CTNNA3: variants seen among roughly 807,000 people sequenced by gnomAD.
CTNNA3 encodes catenin alpha 3.
In CTNNA3, 76 loss-of-function variants were observed where a neutral mutation model predicts 95.7. The ratio of observed to expected loss-of-function variants is 0.79; its 90% confidence interval spans 0.66 to 0.96. CTNNA3 has a LOEUF of 0.96. Ranked by LOEUF, CTNNA3 falls within the 40% of genes least tolerant of loss-of-function variation. The pLI, the probability that CTNNA3 is intolerant of heterozygous loss-of-function variation, is 0.00. For missense variants in CTNNA3, 1,191 were observed against 1,089.8 expected (o/e 1.09, Z -1.31); for synonymous variants, 431 against 374.4 (o/e 1.15, Z -1.74).
chr10:66,122,445 G>A (rs1275310027), intron 13 of CTNNA3, among the ~76,000 whole-genome samples: 9 of 152,136 alleles, frequency 5.9e-5, no homozygotes, highest in East Asian at 5.8e-4. Context: ...ATGGCTGATC[G>A]TTTTCAGCAA....
chr10:66,432,457 T>G (rs7898691), intron 11 of CTNNA3, among the ~76,000 whole-genome samples: 58,025 of 151,832 alleles, frequency 0.38, 11,643 homozygotes, highest in African/African-American at 0.5. Context: ...AGGAGATCAA[T>G]ACCATCCTGG....
At chr10:66,189,243 T>C (rs753587436) in intron 13 of CTNNA3, among the ~76,000 whole-genome samples, 57 of 150,502 alleles carry the variant, frequency 3.8e-4, no homozygotes, top group Non-Finnish European at 1.8e-4. Context: ...ACTTGTTTGC[T>C]TCTCTTGCCT....
chr10:66,159,637 T>TC (rs2084743038), intron 13 of CTNNA3, among the ~76,000 whole-genome samples: 1 of 150,094 alleles, frequency 6.7e-6, no homozygotes, highest in South Asian at 2.1e-4. Flanking sequence ...TTTTTTTTTT[T>TC]TTTTTTGGTT....
chr10:66,395,539 G>T (rs952028751), intron 11 of CTNNA3, among the ~76,000 whole-genome samples: 2 of 151,938 alleles, frequency 1.3e-5, no homozygotes, highest in African/African-American at 4.8e-5. Context: ...AAGGCAAAAA[G>T]ATATGGCTTA....
chr10:66,656,940 A>G (rs1007739), intron 9 of CTNNA3, among the ~76,000 whole-genome samples: 100,290 of 151,938 alleles, frequency 0.66, 34,011 homozygotes, highest in East Asian at 0.95. Flanking sequence ...CATTGTTAAA[A>G]CTTTTAAAAG....
chr10:66,425,157 A>C (rs530524811), intron 11 of CTNNA3, among the ~76,000 whole-genome samples: 1 of 152,078 alleles, frequency 6.6e-6, no homozygotes, highest in African/African-American at 2.4e-5. Context: ...CTTTCTTCTG[A>C]AATTAATATT....
chr10:65,960,598 T>A (rs1455650828), intron 17 of CTNNA3, among the ~76,000 whole-genome samples: 1 of 152,234 alleles, frequency 6.6e-6, no homozygotes, highest in Admixed American at 6.5e-5. Flanking sequence ...TGCTGAGGTC[T>A]GGGCTTCTAT....
chr10:66,861,309 G>T (rs1843913188), intron 7 of CTNNA3, among the ~76,000 whole-genome samples: 1 of 152,142 alleles, frequency 6.6e-6, no homozygotes, highest in South Asian at 2.1e-4. Context: ...TGTCTGTGTG[G>T]AGTTTGCACG....
At chr10:66,557,959 G>C (rs921197111) in intron 10 of CTNNA3, among the ~76,000 whole-genome samples, 4 of 152,032 alleles carry the variant, frequency 2.6e-5, no homozygotes, top group African/African-American at 9.7e-5. Flanking sequence ...ACTAGTAATT[G>C]AGTCTGTGGA....
At chr10:67,311,644 T>A (rs1840805837) in intron 5 of CTNNA3, among the ~76,000 whole-genome samples, 1 of 152,162 alleles carries the variant, frequency 6.6e-6, no homozygotes. Context: ...TAAAGTTGAT[T>A]TTAAAAATTG....
chr10:66,882,706 A>G (rs1307438853), intron 7 of CTNNA3, among the ~76,000 whole-genome samples: 1 of 152,128 alleles, frequency 6.6e-6, no homozygotes, highest in Non-Finnish European at 1.5e-5. Flanking sequence ...GGTTTGAGCA[A>G]AGCAAGAATA....
intron 13 of CTNNA3, among the ~76,000 whole-genome samples, chr10:66,239,307 G>A (rs946541876): frequency 1.3e-5 from 2 of 151,466 alleles, no homozygotes. Context: ...AAAATATAAT[G>A]TATGCTAGTC....
At chr10:66,473,433 T>C (rs1241463046) in intron 11 of CTNNA3, among the ~76,000 whole-genome samples, 6 of 151,948 alleles carry the variant, frequency 3.9e-5, no homozygotes, top group Admixed American at 3.9e-4. Context: ...ATGATTATAG[T>C]TTTCTGAGAC....
intron 13 of CTNNA3, among the ~76,000 whole-genome samples, chr10:66,201,783 CT>C (rs1236010501): frequency 0.27 from 21,273 of 79,082 alleles, 1,419 homozygotes; most frequent in South Asian, 0.4. Context: ...TTTACTTTTT[CT>C]TTTTTTTTTT....
intron 7 of CTNNA3, among the ~76,000 whole-genome samples, chr10:66,827,030 G>A (rs1041937679): frequency 2.0e-5 from 3 of 151,928 alleles, no homozygotes; most frequent in African/African-American, 7.3e-5. Context: ...ATTTCTCCTT[G>A]ACCAGCACCT....
chr10:66,644,961 C>T (rs116597197), intron 9 of CTNNA3, among the ~76,000 whole-genome samples: 1,575 of 152,262 alleles, frequency 0.01, 31 homozygotes, highest in African/African-American at 0.035. Context: ...AACTATTCCC[C>T]ATTTCTAAAT....
chr10:66,549,272 A>G (rs1356648100), intron 10 of CTNNA3, among the ~76,000 whole-genome samples: 1 of 152,190 alleles, frequency 6.6e-6, no homozygotes, highest in Non-Finnish European at 1.5e-5. Context: ...CTGGGATTAC[A>G]GGCGTGAGCC....
chr10:67,169,783 A>G (rs1318819576), intron 7 of CTNNA3, among the ~76,000 whole-genome samples: 2 of 152,158 alleles, frequency 1.3e-5, no homozygotes, highest in Non-Finnish European at 2.9e-5. Flanking sequence ...GATTAAACCT[A>G]AGAGCTTCCA....
At chr10:66,975,140 T>A (rs2147883) in intron 7 of CTNNA3, among the ~76,000 whole-genome samples, 3 of 152,094 alleles carry the variant, frequency 2.0e-5, no homozygotes, top group African/African-American at 7.2e-5. Flanking sequence ...ATTTCAAAAA[T>A]CCTGCTTCAA....
Sources: gnomAD v4.1 joint callset for allele counts (sites outside exome capture counted in the v4.1 genomes callset) on GRCh38, gnomAD v4.1.1 for gene constraint, MANE v1.5 for transcripts, NCBI Gene and HGNC (gene_info 2026-07-23, HGNC 2026-07-21) for gene names.